The following SH3GL2 variants were observed in gnomAD, a reference collection of about 807,000 sequenced individuals.
The protein encoded by SH3GL2 is SH3 domain containing GRB2 like 2, endophilin A1.
In SH3GL2, 24 loss-of-function variants were observed where a neutral mutation model predicts 46.0. The observed-to-expected ratio is 0.52, with a 90% CI of 0.38 to 0.73. The LOEUF (loss-of-function observed/expected upper bound fraction) is 0.73, where lower values mean the gene tolerates loss of function less well. SH3GL2 is among the 30% of genes least tolerant of loss of function. The probability of loss-of-function intolerance (pLI) is 0.00; values close to 1 mark genes in which losing one functional copy is unlikely to be tolerated. For missense variants in SH3GL2, 413 were observed against 424.2 expected (o/e 0.97, Z 0.23); for synonymous variants, 196 against 147.1 (o/e 1.33, Z -2.40).
chr9:17,698,250 TC>T (rs1431121939), intron 1 of SH3GL2, among the ~76,000 whole-genome samples: 2 of 152,180 alleles, frequency 1.3e-5, no homozygotes, highest in Admixed American at 6.6e-5. Flanking sequence ...AGTTACCTTG[TC>T]TAAAACAAGG....
chr9:17,596,204 A>G lies in SH3GL2; in HGVS notation c.45+16917A>G, dbSNP rs138108081. 3.0e-3 allele frequency among the ~76,000 whole-genome samples: 463 copies of G among 152,300 alleles called. 7 individuals carry two copies. The highest frequency in any genetic ancestry group is 0.026 in the Admixed American group (400 of 15,290). ...TTGGAACACCTGCCCTGCCCTCCAT[A>G]GAGCCCTGAATTAAATTGTGCTGCT... On this transcript the variant is annotated intron_variant, in intron 1 of 8. Transcript: ENST00000380607.
At chr9:17,764,256 C>T (rs1312155594) in intron 3 of SH3GL2, among the ~76,000 whole-genome samples, 1 of 152,138 alleles carries the variant, frequency 6.6e-6, no homozygotes, top group African/African-American at 2.4e-5. Flanking sequence ...TGTAATCATT[C>T]CACAGAATTT....
At chr9:17,766,009 T>C (rs1823307080) in intron 3 of SH3GL2, among the ~76,000 whole-genome samples, 1 of 152,224 alleles carries the variant, frequency 6.6e-6, no homozygotes, top group Non-Finnish European at 1.5e-5. Flanking sequence ...TACTCATATG[T>C]AACCAACATT....
At chr9:17,790,558 C>G (rs61646773) in intron 6 of SH3GL2, among the ~76,000 whole-genome samples, 1 of 152,090 alleles carries the variant, frequency 6.6e-6, no homozygotes, top group East Asian at 1.9e-4. Context: ...TCACAGTGCT[C>G]CTTCCCTGCA....
chr9:17,628,782 T>C (rs923903610), intron 1 of SH3GL2, among the ~76,000 whole-genome samples: 1 of 152,110 alleles, frequency 6.6e-6, no homozygotes, highest in Non-Finnish European at 1.5e-5. Flanking sequence ...TCCTGCCAAC[T>C]GCCCTTTTAT....
intron 6 of SH3GL2, 172 bp downstream of exon 6, chr9:17,789,722 A>T (rs571978689): frequency 7.3e-7 from 1 of 1,366,176 alleles, no homozygotes; most frequent in Non-Finnish European, 9.5e-7. Flanking sequence ...ACTGAGAAAT[A>T]GAAAAGTTTC....
intron 3 of SH3GL2, among the ~76,000 whole-genome samples, chr9:17,785,152 A>C (rs754686701): frequency 4.6e-5 from 7 of 152,218 alleles, no homozygotes; most frequent in Non-Finnish European, 1.0e-4. Flanking sequence ...GTTTGGATCT[A>C]AACTTAAAGA....
intron 1 of SH3GL2, among the ~76,000 whole-genome samples, chr9:17,664,924 C>T (rs58582850): frequency 6.6e-6 from 1 of 151,642 alleles, no homozygotes; most frequent in Non-Finnish European, 1.5e-5. Context: ...AAAATTATTT[C>T]TTTGCTTTGA....
At chr9:17,767,061 A>C (rs1367337476) in intron 3 of SH3GL2, among the ~76,000 whole-genome samples, 1 of 152,204 alleles carries the variant, frequency 6.6e-6, no homozygotes, top group Non-Finnish European at 1.5e-5. Flanking sequence ...GTTTGCACTG[A>C]GAAGTTACTC....
chr9:17,758,608 G>C (rs1005448302), intron 2 of SH3GL2, among the ~76,000 whole-genome samples: 2 of 118,612 alleles, frequency 1.7e-5, no homozygotes, highest in African/African-American at 5.8e-5. Flanking sequence ...GCAGTCAGTA[G>C]CAAGGGCCTA....
intron 1 of SH3GL2, among the ~76,000 whole-genome samples, chr9:17,581,528 G>A (rs918044194): frequency 5.9e-5 from 9 of 152,314 alleles, no homozygotes; most frequent in Admixed American, 5.9e-4. Context: ...CCATGTTAAT[G>A]TTTGCATGTG....
intron 3 of SH3GL2, among the ~76,000 whole-genome samples, chr9:17,765,392 A>G (rs190044821): frequency 7.2e-5 from 11 of 152,302 alleles, no homozygotes; most frequent in African/African-American, 2.6e-4. Flanking sequence ...CATGTTTTCT[A>G]TTCTTAAAAC....
intron 5 of SH3GL2, among the ~76,000 whole-genome samples, chr9:17,789,126 G>A (rs1486565607): frequency 6.6e-6 from 1 of 152,128 alleles, no homozygotes; most frequent in East Asian, 1.9e-4. Flanking sequence ...CTTGGCTTTG[G>A]CCTGACAAGG....
intron 1 of SH3GL2, among the ~76,000 whole-genome samples, chr9:17,708,256 A>G (rs1821525633): frequency 6.6e-6 from 1 of 150,748 alleles, no homozygotes; most frequent in Non-Finnish European, 1.5e-5. Context: ...TTTTCCCTTC[A>G]TTTTTCTACA....
At chr9:17,684,754 C>T (rs1046049125) in intron 1 of SH3GL2, among the ~76,000 whole-genome samples, 1 of 152,098 alleles carries the variant, frequency 6.6e-6, no homozygotes, top group Non-Finnish European at 1.5e-5. Flanking sequence ...TGAGTCAAAG[C>T]AGACTTCTCA....
At chr9:17,604,826 G>T (rs1818735420) in intron 1 of SH3GL2, among the ~76,000 whole-genome samples, 1 of 152,158 alleles carries the variant, frequency 6.6e-6, no homozygotes, top group Non-Finnish European at 1.5e-5. Context: ...GTGGAGGTGT[G>T]TTCTTCTAGG....
intron 1 of SH3GL2, among the ~76,000 whole-genome samples, chr9:17,593,569 A>G (rs927764616): frequency 8.5e-5 from 13 of 152,196 alleles, no homozygotes; most frequent in South Asian, 2.1e-4. Context: ...AGAATGTACC[A>G]ACTGTCTTGT....
chr9:17,734,910 T>C (rs1224347455), intron 1 of SH3GL2, among the ~76,000 whole-genome samples: 1 of 152,094 alleles, frequency 6.6e-6, no homozygotes, highest in Non-Finnish European at 1.5e-5. Context: ...GTAAATACAC[T>C]AAAAATCACT....
chr9:17,730,897 CCAAAA>C (rs1822160780), intron 1 of SH3GL2, among the ~76,000 whole-genome samples: 1 of 151,990 alleles, frequency 6.6e-6, no homozygotes, highest in Non-Finnish European at 1.5e-5. Context: ...AGGAGAGGAA[CCAAAA>C]CAAAAGGACA....
Sources: allele counts gnomAD v4.1 joint callset (sites outside exome capture counted in the v4.1 genomes callset), GRCh38; gene constraint gnomAD v4.1.1; transcripts MANE v1.5; gene names NCBI Gene and HGNC (gene_info 2026-07-23, HGNC 2026-07-21).